The following CCNB1 variants were observed in gnomAD, a reference collection of about 807,000 sequenced individuals.
CCNB1 encodes the protein G2/mitotic-specific cyclin-B1.
CCNB1 carries 26 observed loss-of-function variants against 44.4 expected under a neutral mutation model. The ratio of observed to expected loss-of-function variants is 0.59; its 90% CI spans 0.43 to 0.81. The LOEUF (loss-of-function observed/expected upper bound fraction) is 0.81, where lower values mean the gene tolerates loss of function less well. CCNB1 is among the 40% of genes least tolerant of loss of function. The pLI is 0.00. For synonymous variants in CCNB1, 195 were observed against 181.4 expected (o/e 1.08, Z -0.60); for missense variants, 477 against 520.9 (o/e 0.92, Z 0.82).
intron 6 of CCNB1, 39 bp downstream of exon 6, chr5:69,175,152 T>G (rs1160281047): frequency 7.1e-7 from 1 of 1,415,052 alleles, no homozygotes; most frequent in Non-Finnish European, 1.0e-6. Context: ...ATGGGTACAT[T>G]AGGGGGAACA....
chr5:69,175,660 T>TA (rs1367185111), intron 7 of CCNB1, 123 bp downstream of exon 7: 1 of 906,734 alleles, frequency 1.1e-6, no homozygotes, highest in African/African-American at 1.7e-5. Context: ...AAGGAATAGT[T>TA]AAAAAAGATG....
chr5:69,167,889 G>T lies in CCNB1; in HGVS notation c.22-19G>T, dbSNP rs757429226. On this transcript the variant is annotated intron_variant, in intron 1 of 8. Transcript: ENST00000256442. ...GAGCCTTCGTGGATCAGCTCTTAAA[G>T]TGGTCTTGCTTCTTTCAGAACTCGA... 1.3e-6 allele frequency: 2 copies of T among 1,598,118 alleles called. No individual in the cohort carries two copies. The highest frequency in any genetic ancestry group is 1.7e-6 in the Non-Finnish European group (2 of 1,173,288).
chr5:69,167,534 G>A (rs1255818155), intron 1 of CCNB1: 17 of 541,314 alleles, frequency 3.1e-5, no homozygotes, highest in Non-Finnish European at 4.9e-5. Context: ...TGGGGAGGTG[G>A]AGAGTCGACT....
At chr5:69,176,080 GTC>G (rs911652528) in intron 7 of CCNB1, among the ~76,000 whole-genome samples, 2 of 148,502 alleles carry the variant, frequency 1.3e-5, no homozygotes, top group East Asian at 2.0e-4. Flanking sequence ...TAGACATGGG[GTC>G]TCTCTATATT....
In CCNB1 at chr5:69,171,515, A is replaced by G. The variant is rs976922435; in HGVS notation, c.546+63A>G. Reference sequence around the variant, plus strand: ...TAACTTTATGAAAGTATTTTCCATCAATAGTTTATAATAATACAAGCAGGA... The same window carrying G: ...TAACTTTATGAAAGTATTTTCCATCGATAGTTTATAATAATACAAGCAGGA... On this transcript the variant is annotated intron_variant, in intron 4 of 8. Transcript: ENST00000256442. The G allele has an allele frequency of 1.5e-5, 18 of 1,172,252 alleles. No individual in the cohort carries two copies. The African/African-American group carries it at 2.3e-4, about 15-fold the overall frequency. 72.6% of individuals were successfully genotyped at this position (1,172,252 alleles called of 1,614,324 possible). A position where few individuals can be genotyped will look rare whatever the true frequency, so the allele number is the denominator to read the frequency against.
At position 69,167,925 on chromosome 5, in the gene CCNB1, T is replaced by C. The variant is rs1223472285; in HGVS notation, c.39T>C (p.Ala13=). 2 of 1,609,670 alleles carry C rather than the reference T, an allele frequency of 1.2e-6. No individual in the cohort carries two copies. Among genetic ancestry groups the C allele is most frequent in the Admixed American group, 3.4e-5 (2 of 58,090 alleles). ...LRVTRNSKIN[A]ENKAKINMAG... The stretch of plus-strand genomic sequence containing the variant: ...TCTTTCAGAACTCGAAAATTAATGC[T>C]GAAAATAAGGCGAAGATCAACATGG... Residue 13 remains alanine (A), a synonymous_variant, in exon 2 of 9, where the codon GCT becomes GCC. Transcript: ENST00000256442.
Position 69,174,876 on chromosome 5 carries a change from G to T in CCNB1, c.706-1G>T, listed in dbSNP as rs1462086678. 6.2e-7 allele frequency: 1 copy of T among 1,612,110 alleles called. No individual in the cohort carries two copies. ...TCACCCTATTGAAATTCCCATTGCA[G>T]AATAATTGTGTGCCCAAGAAGATGC... is the stretch of plus-strand genomic sequence containing the variant. On this transcript the variant is annotated splice_acceptor_variant, in intron 5 of 8. Coordinates refer to ENST00000256442, the MANE Select transcript of CCNB1 (RefSeq NM_031966.4). LOFTEE classifies it high-confidence loss of function.
intron 6 of CCNB1, 139 bp from the exon 7 acceptor site, chr5:69,175,258 C>A: frequency 9.6e-7 from 1 of 1,039,028 alleles, no homozygotes; most frequent in Non-Finnish European, 1.4e-6. Flanking sequence ...AGTCAGGCTG[C>A]ATGTTAATAT....
intron 4 of CCNB1, 92 bp from the exon 5 acceptor site, chr5:69,174,159 C>T (rs1030666300): frequency 9.8e-7 from 1 of 1,019,184 alleles, no homozygotes; most frequent in Non-Finnish European, 1.5e-6. Context: ...ATAAATGCCC[C>T]AGTGCTACTG....
chr5:69,170,455 T>G (rs1189736399), intron 3 of CCNB1, among the ~76,000 whole-genome samples: 1 of 152,200 alleles, frequency 6.6e-6, no homozygotes, highest in Non-Finnish European at 1.5e-5. Flanking sequence ...GTAGTCAGGA[T>G]AGAATTTGTG....
chr5:69,173,403 A>G (rs1181225058), intron 4 of CCNB1, among the ~76,000 whole-genome samples: 2 of 152,186 alleles, frequency 1.3e-5, no homozygotes, highest in Non-Finnish European at 2.9e-5. Context: ...ATACAATAAT[A>G]TCAAGGGCTG....
At chr5:69,167,550 C>T (rs1227519461) in intron 1 of CCNB1, 1 of 532,470 alleles carries the variant, frequency 1.9e-6, no homozygotes, top group African/African-American at 2.0e-5. Context: ...CGACTGGGAA[C>T]CTTTTGAAAA....
intron 4 of CCNB1, among the ~76,000 whole-genome samples, chr5:69,173,358 T>G (rs1010264434): frequency 3.9e-5 from 6 of 152,170 alleles, no homozygotes; most frequent in African/African-American, 1.4e-4. Flanking sequence ...TGTGGGTGGC[T>G]GACAGAATGC....
At chr5:69,169,627 C>G (rs549522504) in intron 3 of CCNB1, among the ~76,000 whole-genome samples, 20 of 152,082 alleles carry the variant, frequency 1.3e-4, no homozygotes, top group Middle Eastern at 3.4e-3. Flanking sequence ...AAACTTCCCC[C>G]ATCTCCACCC....
Position 69,177,582 on chromosome 5 carries a change from T to G in CCNB1, c.1253T>G (p.Leu418Arg). The change falls in exon 9 of 9, where the codon CTG becomes CGG. Residue 418 changes from leucine to arginine, a missense_variant. By Grantham distance (102) the Leu-to-Arg change is moderately radical. Coordinates refer to ENST00000256442, the MANE Select transcript of CCNB1 (RefSeq NM_031966.4). The part of the protein sequence containing the change: ...KHAKISTLPQ[L>R]NSALVQDLAK... ...GCTAAGATCAGCACTCTACCACAGC[T>G]GAATTCTGCACTAGTTCAAGATTTA... The G allele has an allele frequency of 6.2e-7, 1 of 1,613,826 alleles. No individual in the cohort carries two copies.
chr5:69,174,202 T>G (rs749457115), intron 4 of CCNB1, 49 bp from the exon 5 acceptor site: 24 of 1,562,280 alleles, frequency 1.5e-5, no homozygotes, highest in Non-Finnish European at 1.8e-5. Flanking sequence ...GACATAAATG[T>G]GTCACATGGA....
Position 69,177,653 on chromosome 5 carries a change from AC to A in CCNB1, c.*23del. 1 of 1,402,340 alleles carries A rather than the reference AC, an allele frequency of 7.1e-7. No homozygotes were observed. The highest frequency in any genetic ancestry group is 1.0e-6 in the Non-Finnish European group (1 of 993,832). 86.9% of individuals were successfully genotyped at this position (1,402,340 alleles called of 1,614,324 possible). ...GTAACTTGTAAACTTGAGTTGGAGT[AC>A]TATATTTACAAATAAAATTGGCACC... On this transcript the variant is annotated 3_prime_UTR_variant, in exon 9 of 9. Coordinates refer to ENST00000256442, the MANE Select transcript of CCNB1 (RefSeq NM_031966.4).
intron 4 of CCNB1, among the ~76,000 whole-genome samples, chr5:69,173,650 A>G (rs1217690812): frequency 1.3e-5 from 2 of 152,196 alleles, no homozygotes; most frequent in Non-Finnish European, 2.9e-5. Flanking sequence ...ATCTGAGATG[A>G]TAATGTAGTA....
rs8192265 is a variant in CCNB1, at chr5:69,171,140, CT to C, written c.364-127del. The C allele has an allele frequency of 1.1e-3, 686 of 618,468 alleles. 6 individuals carry two copies. In the African/African-American group the frequency reaches 0.012, roughly 10 times the overall value. The allele number at this position is 618,468 out of a possible 1,614,324, so 38.3% of individuals were successfully genotyped here. The stretch of plus-strand genomic sequence containing the variant: ...GAATAAATCTGAAAAGATACTTTTC[CT>C]TTAAGGAAATGAATTGTATGCCGAT... On this transcript the variant is annotated intron_variant, in intron 3 of 8. Transcript: ENST00000256442.
Sources: gnomAD v4.1 joint callset for allele counts (sites outside exome capture counted in the v4.1 genomes callset) on GRCh38, gnomAD v4.1.1 for gene constraint, MANE v1.5 for transcripts, NCBI Gene and HGNC (gene_info 2026-07-23, HGNC 2026-07-21) for gene names.